AGMO: variants seen among roughly 807,000 people sequenced by gnomAD.
The protein encoded by AGMO is alkylglycerol monooxygenase.
In AGMO, 75 loss-of-function variants were observed where a neutral mutation model predicts 60.2. The ratio of observed to expected loss-of-function variants is 1.25; its 90% CI spans 1.03 to 1.51. AGMO has a LOEUF of 1.51. Among genes scored for constraint, AGMO ranks in the 40% most tolerant of loss-of-function variants. The probability of loss-of-function intolerance (pLI) is 0.00; values close to 1 mark genes in which losing one functional copy is unlikely to be tolerated. For synonymous variants in AGMO, 261 were observed against 177.1 expected (o/e 1.47, Z -3.76); for missense variants, 763 against 525.5 (o/e 1.45, Z -4.42).
In AGMO at chr7:15,274,750, T is replaced by C. The variant is rs561236890; in HGVS notation, c.1264-73391A>G. 1.1e-4 allele frequency among the ~76,000 whole-genome samples: 16 copies of C among 152,012 alleles called. No individual in the cohort carries two copies. The South Asian group carries it at 2.9e-3, about 28-fold the overall frequency. On this transcript the variant is annotated intron_variant, in intron 12 of 12. Transcript: ENST00000342526. ...CTGATTCAGTTTTATTACTAGTTAT[T>C]GGCATATTGAGAATTTCTAATGTTT...
chr7:15,196,980 A>G (rs1041718730), downstream of AGMO, among the ~76,000 whole-genome samples: 2 of 152,150 alleles, frequency 1.3e-5, no homozygotes, highest in African/African-American at 4.8e-5. Flanking sequence ...GTAAGTTGTT[A>G]GGAAGAACGG....
At chr7:15,495,617 T>G (rs764365575) in intron 3 of AGMO, among the ~76,000 whole-genome samples, 10 of 152,184 alleles carry the variant, frequency 6.6e-5, no homozygotes, top group Non-Finnish European at 1.5e-4. Context: ...CTTAGTCTGC[T>G]CAGGCTGCTG....
the AGMO span, among the ~76,000 whole-genome samples, chr7:15,169,402 A>C: frequency 6.6e-6 from 1 of 152,132 alleles, no homozygotes; most frequent in African/African-American, 2.4e-5. Flanking sequence ...AATCATAGGT[A>C]GTTTGTGGGC....
chr7:15,392,276 T>A (rs1784174843), intron 6 of AGMO, among the ~76,000 whole-genome samples: 1 of 150,726 alleles, frequency 6.6e-6, no homozygotes, highest in African/African-American at 2.5e-5. Flanking sequence ...GGTTTCACCG[T>A]GCTAGCCAGG....
intron 3 of AGMO, among the ~76,000 whole-genome samples, chr7:15,470,736 TACTTTGAAAG>T (rs1206551956): frequency 3.9e-5 from 6 of 151,984 alleles, no homozygotes; most frequent in Admixed American, 3.3e-4. Context: ...TACTTTTTGT[TACTTTGAAAG>T]AGTTTGAAAG....
At chr7:15,141,580 C>T in the AGMO span, among the ~76,000 whole-genome samples, 7 of 151,960 alleles carry the variant, frequency 4.6e-5, no homozygotes, top group African/African-American at 9.7e-5. Flanking sequence ...AGCTAGAATC[C>T]GCCTCAAAAC....
Position 15,424,166 on chromosome 7 carries a change from TTC to T in AGMO, c.514-5515_514-5514del, listed in dbSNP as rs371275232. 5.0e-3 allele frequency among the ~76,000 whole-genome samples: 761 copies of T among 152,256 alleles called. 6 individuals carry two copies. The highest frequency in any genetic ancestry group is 0.017 in the African/African-American group (721 of 41,546). ...CCATAGCGGTTCTCAGTGCAAACAC[TTC>T]TCTCTAAAACCTTCAAAATTTGTGG... On this transcript the variant is annotated intron_variant, in intron 4 of 12. Transcript: ENST00000342526.
chr7:15,199,562 T>C (rs549511574), downstream of AGMO, among the ~76,000 whole-genome samples: 1 of 152,192 alleles, frequency 6.6e-6, no homozygotes, highest in South Asian at 2.1e-4. Context: ...CTCTTTTCTT[T>C]GCCATTACTG....
intron 12 of AGMO, among the ~76,000 whole-genome samples, chr7:15,301,994 T>A (rs1780452438): frequency 1.3e-5 from 2 of 152,146 alleles, no homozygotes; most frequent in South Asian, 4.1e-4. Context: ...GCTCCTCAAC[T>A]TTTTCTTAAT....
chr7:15,313,773 GTTTAA>G lies in AGMO; in HGVS notation c.1263+51736_1263+51740del, dbSNP rs368097616. On this transcript the variant is annotated intron_variant, in intron 12 of 12. Coordinates refer to ENST00000342526, the MANE Select transcript of AGMO (RefSeq NM_001004320.2). ...CCTACACATACATGCCTATGATAAA[GTTTAA>G]TTTATAGACATAGTAAAATATTAAT... is the stretch of plus-strand genomic sequence containing the variant. 6.6e-4 allele frequency among the ~76,000 whole-genome samples: 101 copies of G among 152,046 alleles called. 1 individual carries two copies. In the East Asian group the frequency reaches 0.018, roughly 27 times the overall value.
At chr7:15,341,397 C>G (rs543118719) in intron 12 of AGMO, among the ~76,000 whole-genome samples, 27 of 152,278 alleles carry the variant, frequency 1.8e-4, no homozygotes, top group African/African-American at 4.3e-4. Flanking sequence ...TAAAGCATTA[C>G]AAGAGTCACC....
intron 3 of AGMO, among the ~76,000 whole-genome samples, chr7:15,533,882 C>T (rs1784425420): frequency 6.6e-6 from 1 of 151,952 alleles, no homozygotes; most frequent in Non-Finnish European, 1.5e-5. Flanking sequence ...AAACACAGAG[C>T]TGGCATTAAA....
the AGMO span, among the ~76,000 whole-genome samples, chr7:15,173,193 A>T: frequency 6.6e-6 from 1 of 152,282 alleles, no homozygotes; most frequent in South Asian, 2.1e-4. Context: ...GAATATATTT[A>T]TTGAAGTAAA....
At chr7:15,531,613 G>GAAAA (rs1784365040) in intron 3 of AGMO, among the ~76,000 whole-genome samples, 2 of 71,308 alleles carry the variant, frequency 2.8e-5, no homozygotes, top group African/African-American at 1.3e-4. Flanking sequence ...TATATTCTAT[G>GAAAA]TATATTCTAT....
intron 12 of AGMO, among the ~76,000 whole-genome samples, chr7:15,353,009 T>G (rs1306483395): frequency 6.6e-6 from 1 of 152,028 alleles, no homozygotes; most frequent in Non-Finnish European, 1.5e-5. Flanking sequence ...ATCATAGCAC[T>G]GCGCACGGCA....
At position 15,560,192 on chromosome 7, in the gene AGMO, A is replaced by C; in HGVS notation, c.206T>G (p.Leu69Arg). 1 of 1,613,306 alleles carries C rather than the reference A, an allele frequency of 6.2e-7. No individual in the cohort carries two copies. ...TGAGATTGACGTTAAAGCATCATCC[A>C]GGCGACCTGGTGGCTTTCCTTTGAG... ...WILKGKPPGR[L>R]DDALTSISAG... The change falls in exon 2 of 13, where the codon CTG (leucine) becomes CGG (arginine). Residue 69 changes from leucine to arginine, a missense_variant. Leu to Arg is a moderately radical substitution (Grantham distance 102). Coordinates refer to ENST00000342526, the MANE Select transcript of AGMO (RefSeq NM_001004320.2).
intron 10 of AGMO, among the ~76,000 whole-genome samples, chr7:15,382,935 T>C (rs1246648920): frequency 6.6e-6 from 1 of 152,000 alleles, no homozygotes; most frequent in Non-Finnish European, 1.5e-5. Context: ...GTTATATAGA[T>C]GTAACATTTG....
the AGMO span, among the ~76,000 whole-genome samples, chr7:15,146,953 T>C: frequency 6.6e-6 from 1 of 152,230 alleles, no homozygotes; most frequent in African/African-American, 2.4e-5. Context: ...GTATTTTTTA[T>C]AACCACTTTA....
chr7:15,255,547 A>AG (rs200204561), intron 12 of AGMO, among the ~76,000 whole-genome samples: 5,374 of 150,484 alleles, frequency 0.036, 171 homozygotes, highest in South Asian at 0.092. Context: ...AAAAAAAAAA[A>AG]AAAGAAAGAA....
Sources: gnomAD v4.1 joint callset for allele counts (sites outside exome capture counted in the v4.1 genomes callset) on GRCh38, gnomAD v4.1.1 for gene constraint, MANE v1.5 for transcripts, NCBI Gene and HGNC (gene_info 2026-07-23, HGNC 2026-07-21) for gene names.